The following TFEC variants were observed in gnomAD, a reference collection of about 807,000 sequenced individuals.
The protein encoded by TFEC is class E basic helix-loop-helix protein 34.
Under a neutral mutation model 41.6 loss-of-function variants are expected in TFEC, and 31 were observed. The observed-to-expected ratio is 0.74, with a 90% CI of 0.56 to 1.01. The LOEUF (loss-of-function observed/expected upper bound fraction) is 1.01, where lower values mean the gene tolerates loss of function less well. Among genes scored for constraint, TFEC ranks in the 50% least tolerant of loss-of-function variants. The probability of loss-of-function intolerance (pLI) is 0.00; values close to 1 mark genes in which losing one functional copy is unlikely to be tolerated. For synonymous variants in TFEC, 143 were observed against 140.6 expected (o/e 1.02, Z -0.12); for missense variants, 402 against 404.1 (o/e 0.99, Z 0.04).
intron 1 of TFEC, among the ~76,000 whole-genome samples, chr7:116,030,002 G>A (rs73218454): frequency 0.18 from 27,013 of 152,002 alleles, 2,499 homozygotes; most frequent in East Asian, 0.33. Context: ...GGAGGCAGAC[G>A]TTGCAGTGAG....
chr7:116,041,315 A>G (rs1217472510), intron 3 of TFEC, among the ~76,000 whole-genome samples: 1 of 152,170 alleles, frequency 6.6e-6, no homozygotes, highest in Non-Finnish European at 1.5e-5. Context: ...TCTTCCAACA[A>G]AACTGCTAGA....
upstream of TFEC, chr7:116,030,770 G>C (rs1795761673): frequency 1.0e-6 from 1 of 985,190 alleles, no homozygotes; most frequent in African/African-American, 1.7e-5. Context: ...GAATACTTTG[G>C]GCTGGTTGGA....
intron 3 of TFEC, among the ~76,000 whole-genome samples, chr7:116,042,700 A>G (rs1796068603): frequency 6.6e-6 from 1 of 152,210 alleles, no homozygotes; most frequent in Admixed American, 6.5e-5. Context: ...TGCAGGACTG[A>G]TTCAGGAGTC....
chr7:116,088,847 T>C (rs1337574236), intron 3 of TFEC, among the ~76,000 whole-genome samples: 3 of 151,718 alleles, frequency 2.0e-5, no homozygotes, highest in Non-Finnish European at 4.4e-5. Flanking sequence ...CACACACACA[T>C]ATATACACAG....
chr7:116,153,525 T>G (rs1798805509), intron 1 of TFEC, among the ~76,000 whole-genome samples: 1 of 152,160 alleles, frequency 6.6e-6, no homozygotes, highest in Non-Finnish European at 1.5e-5. Context: ...AGTGCTGGGA[T>G]TACAGCGTAA....
At chr7:116,005,024 G>A (rs1024760909) in intron 1 of TFEC, among the ~76,000 whole-genome samples, 2 of 152,160 alleles carry the variant, frequency 1.3e-5, no homozygotes, top group African/African-American at 4.8e-5. Context: ...CTTGTCTGCT[G>A]CCATGTGAGA....
chr7:115,995,326 C>T (rs1468222306), intron 1 of TFEC, among the ~76,000 whole-genome samples: 5 of 151,438 alleles, frequency 3.3e-5, no homozygotes, highest in Non-Finnish European at 4.4e-5. Context: ...CACATGTACC[C>T]TAGAACTTAA....
In TFEC at chr7:116,131,777, T is replaced by G. The variant is rs1473425654; in HGVS notation, c.-68-19739A>C. ...AGAGTTTGCTAAGCAATGATAAAAT[T>G]TAGATTAGCCTCTGCCCTAAGAGGT... On this transcript the variant is annotated intron_variant, in intron 1 of 8. Coordinates refer to the TFEC transcript ENST00000484212. Among the ~76,000 whole-genome samples the G allele has an allele frequency of 2.0e-5, 3 of 152,142 alleles. 1 individual carries two copies. The highest frequency in any genetic ancestry group is 2.0e-4 in the Admixed American group (3 of 15,262).
intron 3 of TFEC, among the ~76,000 whole-genome samples, chr7:116,101,822 C>G (rs1327273746): frequency 1.3e-5 from 2 of 152,136 alleles, no homozygotes; most frequent in Non-Finnish European, 2.9e-5. Flanking sequence ...CAAGTAATAA[C>G]TGAAAGTTTT....
chr7:116,065,571 G>A (rs901542020), intron 3 of TFEC, among the ~76,000 whole-genome samples: 2 of 152,080 alleles, frequency 1.3e-5, no homozygotes, highest in East Asian at 3.9e-4. Context: ...AAGCCAAAAA[G>A]TATGGTTCAA....
chr7:116,050,798 C>T (rs1476377950), intron 3 of TFEC, among the ~76,000 whole-genome samples: 3 of 152,158 alleles, frequency 2.0e-5, no homozygotes, highest in Non-Finnish European at 2.9e-5. Flanking sequence ...CATTACTGGG[C>T]ATATACCCAA....
rs1793402903 is a variant in TFEC, at chr7:115,939,915, C to A, written c.*636G>T. Reference sequence around the variant, plus strand: ...AGAATTAGTGTAATTGAACCAACTACAATAAAATGAGGATCTAATTTTAGT... The same window carrying A: ...AGAATTAGTGTAATTGAACCAACTAAAATAAAATGAGGATCTAATTTTAGT... On this transcript the variant is annotated 3_prime_UTR_variant, in exon 8 of 8. Transcript: ENST00000265440. 6.6e-6 allele frequency: 1 copy of A among 151,992 alleles called. No individual in the cohort carries two copies. The highest frequency in any genetic ancestry group is 2.1e-4 in the South Asian group (1 of 4,830). 9.4% of individuals were successfully genotyped at this position (151,992 alleles called of 1,614,324 possible). A position where few individuals can be genotyped will look rare whatever the true frequency, so the allele number is the denominator to read the frequency against.
chr7:116,079,768 C>T (rs185069682), intron 3 of TFEC, among the ~76,000 whole-genome samples: 1 of 151,918 alleles, frequency 6.6e-6, no homozygotes, highest in African/African-American at 2.4e-5. Context: ...AATCAATGTA[C>T]AAACTCAATG....
intron 1 of TFEC, among the ~76,000 whole-genome samples, chr7:116,146,922 C>A (rs1422210458): frequency 1.3e-5 from 2 of 152,012 alleles, no homozygotes; most frequent in Admixed American, 1.3e-4. Flanking sequence ...TGAAAAAGAA[C>A]AAAATAAAAT....
At chr7:116,089,452 GT>G (rs1052052007) in intron 3 of TFEC, among the ~76,000 whole-genome samples, 1 of 152,100 alleles carries the variant, frequency 6.6e-6, no homozygotes, top group African/African-American at 2.4e-5. Context: ...CCATTAAAAA[GT>G]TTTTGTATTG....
At chr7:116,113,944 C>T (rs1797913411) in intron 1 of TFEC, among the ~76,000 whole-genome samples, 1 of 151,924 alleles carries the variant, frequency 6.6e-6, no homozygotes, top group South Asian at 2.1e-4. Context: ...TTTCATTCAT[C>T]ATTAGTTGTT....
At chr7:116,049,072 C>G (rs1193974521) in intron 3 of TFEC, among the ~76,000 whole-genome samples, 2 of 152,176 alleles carry the variant, frequency 1.3e-5, no homozygotes, top group Admixed American at 6.5e-5. Flanking sequence ...ACTGCATCAA[C>G]TAACGAGCAA....
At chr7:116,152,210 A>G (rs1382473098) in intron 1 of TFEC, among the ~76,000 whole-genome samples, 1 of 152,198 alleles carries the variant, frequency 6.6e-6, no homozygotes, top group Non-Finnish European at 1.5e-5. Flanking sequence ...AAACAACTAA[A>G]AAGTCAAAGA....
At chr7:115,967,363 A>G (rs1253327439) in intron 3 of TFEC, among the ~76,000 whole-genome samples, 1 of 151,738 alleles carries the variant, frequency 6.6e-6, no homozygotes, top group African/African-American at 2.4e-5. Context: ...ATTAGATAGA[A>G]TAATTGTAGA....
Sources: allele counts gnomAD v4.1 joint callset (sites outside exome capture counted in the v4.1 genomes callset), GRCh38; gene constraint gnomAD v4.1.1; transcripts MANE v1.5; gene names NCBI Gene and HGNC (gene_info 2026-07-23, HGNC 2026-07-21).